BLOC1S2: variants seen among roughly 807,000 people sequenced by gnomAD.
BLOC1S2 encodes the protein biogenesis of lysosome-related organelles complex 1 subunit 2.
BLOC1S2 carries 12 observed loss-of-function variants against 19.6 expected under a neutral mutation model. The observed-to-expected ratio is 0.61, with a 90% CI of 0.39 to 0.99. The LOEUF is 0.99. BLOC1S2 is among the 50% of genes least tolerant of loss of function. The probability of loss-of-function intolerance (pLI) is 0.00; values close to 1 mark genes in which losing one functional copy is unlikely to be tolerated. For missense variants in BLOC1S2, 142 were observed against 171.0 expected (o/e 0.83, Z 0.95); for synonymous variants, 66 against 64.1 (o/e 1.03, Z -0.14).
chr10:100,286,469 C>G, intron 1 of BLOC1S2, 136 bp downstream of exon 1: 7 of 1,489,984 alleles, frequency 4.7e-6, no homozygotes, highest in Non-Finnish European at 6.3e-6. Context: ...AGGACAAACA[C>G]TCGCGCGCAG....
chr10:100,283,673 C>T lies in BLOC1S2; in HGVS notation c.172+2424G>A, dbSNP rs182327382. Among the ~76,000 whole-genome samples, 44 of 152,178 alleles carry T rather than the reference C, an allele frequency of 2.9e-4. No individual in the cohort carries two copies. The East Asian group carries it at 8.1e-3, about 28-fold the overall frequency. ...ATCACTTGAGGTCAGGAGTTCAAGT[C>T]CAGCCTGGCTGACATGGCAAAACCT... On this transcript the variant is annotated intron_variant, in intron 2 of 4. Transcript: ENST00000370372.
chr10:100,280,794 T>G, intron 3 of BLOC1S2, 140 bp downstream of exon 3: 2 of 1,196,022 alleles, frequency 1.7e-6, no homozygotes, highest in Non-Finnish European at 2.2e-6. Context: ...ATGGAAGAAA[T>G]TCATCTTAAA....
At position 100,285,745 on chromosome 10, in the gene BLOC1S2, C is replaced by G. The variant is rs145125925; in HGVS notation, c.172+352G>C. On this transcript the variant is annotated intron_variant, in intron 2 of 4. Coordinates refer to ENST00000370372, the MANE Select transcript of BLOC1S2 (RefSeq NM_173809.5). ...CCGGTAAACACATCTTCTGCTTTAG[C>G]CAAACACACTGCTTGCACATACCAC... 6.1e-3 allele frequency among the ~76,000 whole-genome samples: 930 copies of G among 152,290 alleles called. 13 individuals are homozygous for G. Among genetic ancestry groups the G allele is most frequent in the African/African-American group, 0.021 (879 of 41,554 alleles).
intron 2 of BLOC1S2, among the ~76,000 whole-genome samples, chr10:100,284,380 C>T (rs1381167902): frequency 3.3e-5 from 5 of 152,206 alleles, no homozygotes; most frequent in Non-Finnish European, 5.9e-5. Flanking sequence ...AGGCTGATAA[C>T]TTACAGAGTC....
intron 2 of BLOC1S2, among the ~76,000 whole-genome samples, chr10:100,283,868 C>G (rs1464798966): frequency 6.6e-6 from 1 of 152,152 alleles, no homozygotes; most frequent in Non-Finnish European, 1.5e-5. Context: ...AAAGCGAAAA[C>G]TCCGTCTAAA....
rs1847936133 is a variant in BLOC1S2 at position 100,277,525 on chromosome 10, C to CCGGCCAGCCG, written c.398-2033_398-2032insCGGCTGGCCG. Among the ~76,000 whole-genome samples, 3 of 114,746 alleles carry CCGGCCAGCCG rather than the reference C, an allele frequency of 2.6e-5. 1 individual carries two copies. Among genetic ancestry groups the CCGGCCAGCCG allele is most frequent in the African/African-American group, 1.1e-4 (3 of 28,526 alleles). 75.3% of individuals were successfully genotyped at this position (114,746 alleles called of 152,430 possible). A position where few individuals can be genotyped will look rare whatever the true frequency, so the allele number is the denominator to read the frequency against. ...GGAGGTGGGGGGGTCAGCCCCCCGC[C>CCGGCCAGCCG]TGGCCAGCTGTCCCGTCCGGGAGGG... On this transcript the variant is annotated intron_variant, in intron 4 of 4. Coordinates refer to ENST00000370372, the MANE Select transcript of BLOC1S2 (RefSeq NM_173809.5).
chr10:100,276,888 C>A (rs923119160), intron 4 of BLOC1S2, among the ~76,000 whole-genome samples: 2 of 152,194 alleles, frequency 1.3e-5, no homozygotes, highest in East Asian at 1.9e-4. Flanking sequence ...TTGGCCCCCC[C>A]AAAGTGCGGA....
rs983804241 is a variant in BLOC1S2, at chr10:100,279,621, A to C, written c.397+503T>G. On this transcript the variant is annotated intron_variant, in intron 4 of 4. Transcript: ENST00000370372. ...TTACCTCACAGATTATTGGGAAGAT[A>C]AAAAACATAATACAGGCCAGGCCGA... 2.0e-5 allele frequency among the ~76,000 whole-genome samples: 3 copies of C among 152,298 alleles called. No homozygotes were observed. The East Asian group carries it at 5.8e-4, about 29-fold the overall frequency.
intron 4 of BLOC1S2, among the ~76,000 whole-genome samples, chr10:100,277,920 G>A (rs1387820397): frequency 5.8e-5 from 6 of 102,720 alleles, no homozygotes; most frequent in East Asian, 2.8e-4. Flanking sequence ...CGCCCCGTCC[G>A]GGAGGTGAGG....
chr10:100,281,179 G>T, intron 2 of BLOC1S2, 126 bp from the exon 3 acceptor site: 2 of 1,083,814 alleles, frequency 1.8e-6, no homozygotes, highest in Non-Finnish European at 2.7e-6. Flanking sequence ...GGCCACTTTT[G>T]ATCTATGACA....
At chr10:100,285,513 C>T (rs1313244165) in intron 2 of BLOC1S2, among the ~76,000 whole-genome samples, 1 of 152,182 alleles carries the variant, frequency 6.6e-6, no homozygotes, top group Non-Finnish European at 1.5e-5. Context: ...CCACCAGCCT[C>T]GGCCTCTGGG....
chr10:100,283,687 A>G (rs1317813165), intron 2 of BLOC1S2, among the ~76,000 whole-genome samples: 1 of 152,086 alleles, frequency 6.6e-6, no homozygotes, highest in Non-Finnish European at 1.5e-5. Context: ...CCTGGCTGAC[A>G]TGGCAAAACC....
intron 4 of BLOC1S2, among the ~76,000 whole-genome samples, chr10:100,278,670 C>T (rs2134356879): frequency 6.6e-6 from 1 of 152,374 alleles, no homozygotes; most frequent in Non-Finnish European, 1.5e-5. Flanking sequence ...TCCCTAATCT[C>T]AAGTACCCAG....
In BLOC1S2 at chr10:100,275,206, T is replaced by C. The variant is rs189813357; in HGVS notation, c.*256A>G. The C allele has an allele frequency of 1.9e-3, 827 of 427,974 alleles. 3 individuals are homozygous for C. Among genetic ancestry groups the C allele is most frequent in the Non-Finnish European group, 3.0e-3 (734 of 241,468 alleles). The allele number at this position is 427,974 out of a possible 1,614,324, so 26.5% of individuals were successfully genotyped here. A position where few individuals can be genotyped will look rare whatever the true frequency, so the allele number is the denominator to read the frequency against. On this transcript the variant is annotated 3_prime_UTR_variant, in exon 5 of 5. Transcript: ENST00000370372. The stretch of plus-strand genomic sequence containing the variant: ...CTGTTTTCTGAACTTTGTGAGAGTC[T>C]CTGTCCTGAATATGGCAAAGCATTC...
rs998431666 is a variant in BLOC1S2, at chr10:100,273,939, T to G, written c.*1523A>C. The G allele has an allele frequency of 6.6e-6, 1 of 152,088 alleles. No individual in the cohort carries two copies. Among genetic ancestry groups the G allele is most frequent in the Non-Finnish European group, 1.5e-5 (1 of 68,010 alleles). The allele number at this position is 152,088 out of a possible 1,614,324, so 9.4% of individuals were successfully genotyped here. Reference sequence around the variant, plus strand: ...TAAGATAGTAGAGTTACAGTTTAATTCTTTTGTTTTTTATTTAAGAAAAAT... The same window carrying G: ...TAAGATAGTAGAGTTACAGTTTAATGCTTTTGTTTTTTATTTAAGAAAAAT... On this transcript the variant is annotated 3_prime_UTR_variant, in exon 5 of 5. Coordinates refer to ENST00000370372, the MANE Select transcript of BLOC1S2 (RefSeq NM_173809.5).
chr10:100,286,609 G>T lies in BLOC1S2; in HGVS notation c.51C>A (p.Ala17=). The part of the protein sequence containing the change: ...GVLATRSDEP[A]RDDAAVETAE... ...CTCCCCATCCATTCCGGGTACCTCG[G>T]GCGGGCTCATCACTCCGGGTCGCCA... Residue 17 remains alanine (A), a synonymous_variant, in exon 1 of 5, where the codon GCC becomes GCA. Transcript: ENST00000370372. 2 of 1,612,764 alleles carry T rather than the reference G, an allele frequency of 1.2e-6. No homozygotes were observed. Among genetic ancestry groups the T allele is most frequent in the Non-Finnish European group, 1.7e-6 (2 of 1,179,294 alleles).
At chr10:100,278,466 CTT>C (rs1353433309) in intron 4 of BLOC1S2, among the ~76,000 whole-genome samples, 1 of 152,164 alleles carries the variant, frequency 6.6e-6, no homozygotes, top group Non-Finnish European at 1.5e-5. Flanking sequence ...ACATGGGAGA[CTT>C]TTCATTTTGT....
intron 2 of BLOC1S2, among the ~76,000 whole-genome samples, chr10:100,283,917 T>C (rs1044192133): frequency 1.3e-5 from 2 of 152,160 alleles, no homozygotes; most frequent in African/African-American, 4.8e-5. Flanking sequence ...TTCAAACACC[T>C]AGAAGCCAGC....
At chr10:100,281,142 C>T (rs1445224752) in intron 2 of BLOC1S2, 89 bp from the exon 3 acceptor site, 1 of 1,504,772 alleles carries the variant, frequency 6.6e-7, no homozygotes, top group Admixed American at 1.9e-5. Context: ...TAGTTCAAGG[C>T]AGGACCAAGG....
Sources: gnomAD v4.1 joint callset for allele counts (sites outside exome capture counted in the v4.1 genomes callset) on GRCh38, gnomAD v4.1.1 for gene constraint, MANE v1.5 for transcripts, NCBI Gene and HGNC (gene_info 2026-07-23, HGNC 2026-07-21) for gene names.